PLEKHG4B: variants seen among roughly 807,000 people sequenced by gnomAD.
The protein encoded by PLEKHG4B is pleckstrin homology and RhoGEF domain containing G4B.
Under a neutral mutation model 121.3 loss-of-function variants are expected in PLEKHG4B, and 111 were observed. The ratio of observed to expected loss-of-function variants is 0.92; its 90% CI spans 0.78 to 1.07. The LOEUF (loss-of-function observed/expected upper bound fraction) is 1.07, where lower values mean the gene tolerates loss of function less well. Ranked by LOEUF, PLEKHG4B falls within the 50% of genes least tolerant of loss-of-function variation. The pLI, the probability that PLEKHG4B is intolerant of heterozygous loss-of-function variation, is 0.00. For synonymous variants in PLEKHG4B, 738 were observed against 725.0 expected (o/e 1.02, Z -0.29); for missense variants, 1,831 against 1,757.8 (o/e 1.04, Z -0.74).
In PLEKHG4B at chr5:173,927, A is replaced by T. The variant is rs758675272; in HGVS notation, c.4231A>T (p.Ile1411Phe). 1 of 1,613,460 alleles carries T rather than the reference A, an allele frequency of 6.2e-7. No individual in the cohort carries two copies. Among genetic ancestry groups the T allele is most frequent in the South Asian group, 1.1e-5 (1 of 90,986 alleles). Residue 1411 changes from isoleucine to phenylalanine, a missense_variant, in exon 18 of 20, where the codon ATC becomes TTC. By Grantham distance (21) the Ile-to-Phe change is conservative. Transcript: ENST00000637938. ...TGTTTGCTGACTGCAGACGGCCGAG[A>T]TCGGGATGACAGAGAACGTCGGGGA... ...LYKQSFKTAE[I>F]GMTENVGDSG... is the part of the protein sequence containing the mutation.
rs1402380923 is a variant in PLEKHG4B at position 137,936 on chromosome 5, C to T, written c.244-1547C>T. Among the ~76,000 whole-genome samples, 5 of 152,356 alleles carry T rather than the reference C, an allele frequency of 3.3e-5. No homozygotes were observed. Among genetic ancestry groups the T allele is most frequent in the South Asian group, 2.1e-4 (1 of 4,828 alleles). On this transcript the variant is annotated intron_variant, in intron 2 of 19. Coordinates refer to ENST00000637938, the MANE Select transcript of PLEKHG4B (RefSeq NM_052909.5). This position sits in a 1 kb window ranked among gnomAD's most constrained non-coding sequence, Gnocchi z 4.2. ...CAGGACACAGCTCCTCAGGCCGCCT[C>T]GCAGCGTCTGGGGAGGGTGTCAAGG...
chr5:118,682 A>AAT (rs1734376652), intron 2 of PLEKHG4B, among the ~76,000 whole-genome samples: 2 of 152,130 alleles, frequency 1.3e-5, no homozygotes, highest in South Asian at 4.1e-4. Flanking sequence ...TAGCATCCAG[A>AAT]ATGGTGAATC....
At chr5:130,619 ACT>A (rs757648393) in intron 2 of PLEKHG4B, among the ~76,000 whole-genome samples, 36 of 152,068 alleles carry the variant, frequency 2.4e-4, no homozygotes, top group Non-Finnish European at 2.9e-5. Flanking sequence ...ATAAAGCGGG[ACT>A]CTGCTTATTT....
chr5:92,516 C>A (rs1185910574), intron 1 of PLEKHG4B, among the ~76,000 whole-genome samples: 2 of 29,218 alleles, frequency 6.8e-5, no homozygotes, highest in Admixed American at 8.8e-4. Context: ...GCGCGAGCAT[C>A]AAGGCGGGCG....
Position 169,405 on chromosome 5 carries a change from G to T in PLEKHG4B, c.3542G>T (p.Gly1181Val). Residue 1181 changes from glycine to valine, a missense_variant, in exon 14 of 20, where the codon GGA becomes GTA. Gly to Val is a moderately radical substitution (Grantham distance 109). Transcript: ENST00000637938. ...ATEREYIRCL[G>V]YVIDNYFPEM... ...GAGAGGGAGTACATTCGGTGCTTAG[G>T]ATACGTCATTGACAACTATTTTCCA... The T allele has an allele frequency of 6.2e-7, 1 of 1,614,150 alleles. No homozygotes were observed. Among genetic ancestry groups the T allele is most frequent in the South Asian group, 1.1e-5 (1 of 91,084 alleles).
rs1457154771 is a variant in PLEKHG4B at position 163,208 on chromosome 5, G to GT, written c.3136_3137insT (p.Ala1046ValfsTer17). ...GTCCCTCCTCAGGGGCCTTCCAGGG[G>GT]CAGGGGCCACCACGGCCCACCTGGA... On this transcript the variant is annotated frameshift_variant, in exon 13 of 20. Transcript: ENST00000637938. LOFTEE classifies it high-confidence loss of function. 2.5e-6 allele frequency: 4 copies of GT among 1,593,508 alleles called. No individual in the cohort carries two copies. The South Asian group carries it at 4.6e-5, about 18-fold the overall frequency.
intron 14 of PLEKHG4B, 36 bp from the exon 15 acceptor site, chr5:171,007 A>T: frequency 6.4e-7 from 1 of 1,556,780 alleles, no homozygotes; most frequent in Non-Finnish European, 8.8e-7. Flanking sequence ...TGGGCCTGTC[A>T]CTCCCACAGC....
rs1010723639 is a variant in PLEKHG4B, at chr5:94,592, C to T, written c.45+2316C>T. On this transcript the variant is annotated intron_variant, in intron 1 of 19. Transcript: ENST00000637938. ...GGGGTAGGCTGGGATGAGTGGCTGG[C>T]GGGGCTGGAGGGGGTTGAGAGGTGG... Among the ~76,000 whole-genome samples the T allele has an allele frequency of 3.3e-4, 50 of 149,378 alleles. No individual in the cohort carries two copies. The East Asian group carries it at 7.8e-3, about 23-fold the overall frequency.
intron 1 of PLEKHG4B, among the ~76,000 whole-genome samples, chr5:109,441 C>T (rs1358646365): frequency 6.7e-6 from 1 of 149,664 alleles, no homozygotes; most frequent in African/African-American, 2.5e-5. Flanking sequence ...AGGCAAAGGC[C>T]ACAGCAGTGA....
Position 172,590 on chromosome 5 carries a change from G to T in PLEKHG4B, c.4051-307G>T, listed in dbSNP as rs113600248. On this transcript the variant is annotated intron_variant, in intron 16 of 19. Coordinates refer to ENST00000637938, the MANE Select transcript of PLEKHG4B (RefSeq NM_052909.5). ...ATGACCCGGGAACGGGGGCCGGGGT[G>T]GGGGTGTGGGACGCTCACCCCCTGA... Among the ~76,000 whole-genome samples the T allele has an allele frequency of 4.6e-5, 7 of 152,358 alleles. 1 individual carries two copies. Among genetic ancestry groups the T allele is most frequent in the South Asian group, 4.1e-4 (2 of 4,828 alleles).
chr5:163,322 C>G lies in PLEKHG4B; in HGVS notation c.3250C>G (p.Gln1084Glu). 1 of 1,613,460 alleles carries G rather than the reference C, an allele frequency of 6.2e-7. No homozygotes were observed. Among genetic ancestry groups the G allele is most frequent in the South Asian group, 1.1e-5 (1 of 91,092 alleles). ...HPQKKMIKKT[Q>E]SFEIPQPDSG... ...CCAGAAGAAAATGATAAAGAAAACG[C>G]AAAGTTTCGAGATACCTCAGCCCGA... Residue 1084 changes from glutamine to glutamate, a missense_variant, in exon 13 of 20, where the codon CAA (glutamine) becomes GAA (glutamate). Gln to Glu is a conservative substitution (Grantham distance 29). Transcript: ENST00000637938.
intron 1 of PLEKHG4B, among the ~76,000 whole-genome samples, chr5:95,703 T>C (rs149633278): frequency 2.4e-4 from 36 of 152,262 alleles, no homozygotes; most frequent in African/African-American, 8.4e-4. Context: ...TTCCTGAGAT[T>C]GTCAAGAATA....
chr5:157,107 TG>T lies in PLEKHG4B; in HGVS notation c.2487+198del. Reference sequence around the variant, plus strand: ...ATTTTATTTTTTACGTGAGAGATACTGGATCAGTGGAGAAAAAAAATTTGTT... The same window carrying T: ...ATTTTATTTTTTACGTGAGAGATACTGATCAGTGGAGAAAAAAAATTTGTT... On this transcript the variant is annotated intron_variant, in intron 11 of 19. Coordinates refer to ENST00000637938, the MANE Select transcript of PLEKHG4B (RefSeq NM_052909.5). The surrounding 1 kb of genome is among the most constrained non-coding windows in gnomAD (Gnocchi z 4.6). 1 of 803,012 alleles carries T rather than the reference TG, an allele frequency of 1.2e-6. No individual in the cohort carries two copies. The highest frequency in any genetic ancestry group is 1.8e-5 in the South Asian group (1 of 55,324). 49.7% of individuals were successfully genotyped at this position (803,012 alleles called of 1,614,324 possible). A position where few individuals can be genotyped will look rare whatever the true frequency, so the allele number is the denominator to read the frequency against.
At chr5:126,442 T>C (rs940469981) in intron 2 of PLEKHG4B, among the ~76,000 whole-genome samples, 5 of 152,182 alleles carry the variant, frequency 3.3e-5, no homozygotes, top group Admixed American at 3.3e-4. Flanking sequence ...TTCACATCTT[T>C]CTTTAGTTTT....
At chr5:134,076 A>AATATATATATATAT (rs67940117) in intron 2 of PLEKHG4B, among the ~76,000 whole-genome samples, 1 of 40,290 alleles carries the variant, frequency 2.5e-5, no homozygotes, top group Non-Finnish European at 5.0e-5. Context: ...TATATGATAG[A>AATATATATATATAT]ATATATATAT....
In PLEKHG4B at chr5:182,241, A is replaced by C; in HGVS notation, c.4802A>C (p.Glu1601Ala). The C allele has an allele frequency of 6.2e-7, 1 of 1,613,688 alleles. No individual in the cohort carries two copies. The highest frequency in any genetic ancestry group is 8.5e-7 in the Non-Finnish European group (1 of 1,180,024). Residue 1601 changes from glutamate to alanine, a missense_variant, in exon 20 of 20, where the codon GAG becomes GCG. By Grantham distance (107) the Glu-to-Ala change is moderately radical. Coordinates refer to ENST00000637938, the MANE Select transcript of PLEKHG4B (RefSeq NM_052909.5). ...GCCTGCGTCGAGGAAGATGAGCCAG[A>C]GCCAGAACTAGAGACGGGCACCCAG... ...IRACVEEDEPEPELETGTQAA... is the reference protein window; with the variant it reads ...IRACVEEDEPAPELETGTQAA...
rs1735813587 is a variant in PLEKHG4B at position 157,200 on chromosome 5, A to G, written c.2487+289A>G. 2.3e-6 allele frequency: 1 copy of G among 437,068 alleles called. No individual in the cohort carries two copies. The allele number at this position is 437,068 out of a possible 1,614,324, so 27.1% of individuals were successfully genotyped here. ...GCCTTCTGATGCTACCAGTGTGAAT[A>G]GCTGGGTGTATCTTCCGGACGCTTT... On this transcript the variant is annotated intron_variant, in intron 11 of 19. Coordinates refer to ENST00000637938, the MANE Select transcript of PLEKHG4B (RefSeq NM_052909.5). The surrounding 1 kb of genome is among the most constrained non-coding windows in gnomAD (Gnocchi z 4.6).
rs1736613773 is a variant in PLEKHG4B, at chr5:172,912, CAG to C, written c.4067_4068del (p.Gln1356ArgfsTer8). On this transcript the variant is annotated frameshift_variant, in exon 17 of 20. Transcript: ENST00000637938. LOFTEE classifies it high-confidence loss of function. Reference protein sequence around the residue: ...IRGCDVNLKEQGQLRCRDEFI... With the variant: ...IRGCDVNLKEXGQLRCRDEFI... ...TCCTCTGCAGGTGAATTTGAAGGAA[CAG>C]GGGCAGCTGAGATGCCGGGATGAGT... The C allele has an allele frequency of 1.2e-6, 2 of 1,614,064 alleles. No homozygotes were observed. The highest frequency in any genetic ancestry group is 1.7e-6 in the Non-Finnish European group (2 of 1,180,034).
At chr5:93,814 G>A (rs1733545790) in intron 1 of PLEKHG4B, among the ~76,000 whole-genome samples, 1 of 152,122 alleles carries the variant, frequency 6.6e-6, no homozygotes, top group Non-Finnish European at 1.5e-5. Context: ...CAGAAATGCT[G>A]GGCTGAGGAA....
Sources: allele counts gnomAD v4.1 joint callset (sites outside exome capture counted in the v4.1 genomes callset), GRCh38; gene constraint gnomAD v4.1.1; non-coding constraint Gnocchi (gnomAD v3.1); transcripts MANE v1.5; gene names NCBI Gene and HGNC (gene_info 2026-07-23, HGNC 2026-07-21).